CABLES2: variants seen among roughly 807,000 people sequenced by gnomAD.
CABLES2 encodes CDK5 and ABL1 enzyme substrate 2.
In CABLES2, 35 loss-of-function variants were observed where a neutral mutation model predicts 44.8. The ratio of observed to expected loss-of-function variants is 0.78; its 90% CI spans 0.60 to 1.04. CABLES2 has a LOEUF of 1.04. Ranked by LOEUF, CABLES2 falls within the 50% of genes least tolerant of loss-of-function variation. CABLES2 has a pLI of 0.00. For missense variants in CABLES2, 566 were observed against 615.7 expected, an observed-to-expected ratio of 0.92 and a Z score of 0.85; for synonymous variants, 282 against 281.1, an observed-to-expected ratio of 1.00 and a Z score of -0.03.
rs1262191709 is a variant in CABLES2, at chr20:62,396,394, A to G, written c.448T>C (p.Ser150Pro). The change falls in exon 3 of 10, where the codon TCT becomes CCT. Residue 150 changes from serine (S) to proline (P), a missense_variant. Ser to Pro is a moderately conservative substitution (Grantham distance 74). This residue lies in a region of CABLES2 where 436 missense variants were observed against 536.3 expected (regional missense o/e 0.81). Transcript: ENST00000279101. The surrounding 1 kb of genome is among the most constrained non-coding windows in gnomAD (Gnocchi z 5.7). ...CAPAQRTKHT[S>P]GSPRHKGLKK... The stretch of plus-strand genomic sequence containing the variant: ...AGGCCTTTATGTCTCGGTGATCCAG[A>G]TGTGTGTTTGGTTCTGCAAGGCAAA... The G allele has an allele frequency of 1.2e-6, 2 of 1,612,568 alleles. No homozygotes were observed. The highest frequency in any genetic ancestry group is 1.7e-6 in the Non-Finnish European group (2 of 1,179,584).
Position 62,391,233 on chromosome 20 carries a change from C to A in CABLES2, c.1296+16G>T. On this transcript the variant is annotated intron_variant, in intron 9 of 9. Transcript: ENST00000279101. The surrounding 1 kb of genome is among the most constrained non-coding windows in gnomAD (Gnocchi z 5.7). ...TCATGACCCTGCCTGCAGTGCCTGC[C>A]GAGCCGGGCACTCACATCGATGAGC... is the stretch of plus-strand genomic sequence containing the variant. The A allele has an allele frequency of 6.2e-7, 1 of 1,603,828 alleles. No individual in the cohort carries two copies. Among genetic ancestry groups the A allele is most frequent in the Non-Finnish European group, 8.5e-7 (1 of 1,173,344 alleles).
At chr20:62,394,860 T>C (rs1987987520) in intron 4 of CABLES2, 77 bp downstream of exon 4, 1 of 1,396,192 alleles carries the variant, frequency 7.2e-7, no homozygotes, top group Non-Finnish European at 9.9e-7. Flanking sequence ...CGCTGATGCC[T>C]CCTGGGCCTG....
intron 1 of CABLES2, among the ~76,000 whole-genome samples, chr20:62,398,784 G>GA (rs930056926): frequency 7.2e-5 from 11 of 152,184 alleles, no homozygotes. Flanking sequence ...CTGTGCCAGC[G>GA]AGAGTGCCAC....
chr20:62,391,481 C>CT lies in CABLES2; in HGVS notation c.1092-29dup. 1 of 1,607,090 alleles carries CT rather than the reference C, an allele frequency of 6.2e-7. No homozygotes were observed. Among genetic ancestry groups the CT allele is most frequent in the Non-Finnish European group, 8.5e-7 (1 of 1,175,048 alleles). On this transcript the variant is annotated intron_variant, in intron 8 of 9. Coordinates refer to ENST00000279101, the MANE Select transcript of CABLES2 (RefSeq NM_031215.3). The surrounding 1 kb of genome is among the most constrained non-coding windows in gnomAD (Gnocchi z 5.7). The stretch of plus-strand genomic sequence containing the variant: ...GTGGGTTAAGACAGAAGCCATGTCC[C>CT]TGGGGGCTCTGGCTGGGGCTGAGGA...
chr20:62,394,998 C>T lies in CABLES2; in HGVS notation c.544G>A (p.Ala182Thr), dbSNP rs1445209474. ...TRNSRIVLICAKRSLCAAFSV... is the reference protein window; with the variant it reads ...TRNSRIVLICTKRSLCAAFSV... ...AAGGCCGCGCACAGGGACCGCTTGGCACAGATGAGCACGATCCTGCAGGGG... is the reference window on the plus strand; with the variant it reads ...AAGGCCGCGCACAGGGACCGCTTGGTACAGATGAGCACGATCCTGCAGGGG... The change falls in exon 4 of 10, where the codon GCC (alanine) becomes ACC (threonine). Residue 182 changes from alanine to threonine, a missense_variant. By Grantham distance (58) the Ala-to-Thr change is moderately conservative. Around this residue, in one of 2 missense-constraint regions of CABLES2, gnomAD observed 436 missense variants for 536.3 expected, o/e 0.81. Transcript: ENST00000279101. 1 of 1,612,786 alleles carries T rather than the reference C, an allele frequency of 6.2e-7. No homozygotes were observed. The highest frequency in any genetic ancestry group is 8.5e-7 in the Non-Finnish European group (1 of 1,179,912).
Position 62,388,720 on chromosome 20 carries a change from G to T in CABLES2, c.*2251C>A. The T allele has an allele frequency of 1.8e-6, 1 of 557,654 alleles. No homozygotes were observed. Among genetic ancestry groups the T allele is most frequent in the Non-Finnish European group, 3.2e-6 (1 of 314,186 alleles). The allele number at this position is 557,654 out of a possible 1,614,324, so 34.5% of individuals were successfully genotyped here. A position where few individuals can be genotyped will look rare whatever the true frequency, so the allele number is the denominator to read the frequency against. ...AAATAACTCAAACATTCTGAGGTCT[G>T]ATACTTGCTTATGCACACTGACATC... On this transcript the variant is annotated 3_prime_UTR_variant, in exon 10 of 10. Transcript: ENST00000279101.
rs1988031227 is a variant in CABLES2, at chr20:62,396,876, C to G, written c.363-284G>C. Reference sequence around the variant, plus strand: ...TAGGATAGCACAGCACAGCACAGCACGCCAACCTGCCCTGCCCACCGAGGG... The same window carrying G: ...TAGGATAGCACAGCACAGCACAGCAGGCCAACCTGCCCTGCCCACCGAGGG... On this transcript the variant is annotated intron_variant, in intron 1 of 9. Coordinates refer to ENST00000279101, the MANE Select transcript of CABLES2 (RefSeq NM_031215.3). This position sits in a 1 kb window ranked among gnomAD's most constrained non-coding sequence, Gnocchi z 5.7. Among the ~76,000 whole-genome samples the G allele has an allele frequency of 6.6e-6, 1 of 152,108 alleles. No individual in the cohort carries two copies. The highest frequency in any genetic ancestry group is 1.5e-5 in the Non-Finnish European group (1 of 68,008).
At position 62,396,384 on chromosome 20, in the gene CABLES2, G is replaced by A. The variant is rs371230015; in HGVS notation, c.458C>T (p.Pro153Leu). The A allele has an allele frequency of 7.4e-6, 12 of 1,613,864 alleles. No individual in the cohort carries two copies. The highest frequency in any genetic ancestry group is 1.3e-5 in the African/African-American group (1 of 74,880). ...AQRTKHTSGS[P>L]RHKGLKKTHF... ...GGTCTTCTTCAGGCCTTTATGTCTCGGTGATCCAGATGTGTGTTTGGTTCT... is the reference window on the plus strand; with the variant it reads ...GGTCTTCTTCAGGCCTTTATGTCTCAGTGATCCAGATGTGTGTTTGGTTCT... The change falls in exon 3 of 10, where the codon CCG (proline) becomes CTG (leucine). Residue 153 changes from proline to leucine, a missense_variant. Pro to Leu is a moderately conservative substitution (Grantham distance 98). This residue lies in a region of CABLES2 where 436 missense variants were observed against 536.3 expected (regional missense o/e 0.81). Transcript: ENST00000279101. This position sits in a 1 kb window ranked among gnomAD's most constrained non-coding sequence, Gnocchi z 5.7.
At chr20:62,398,542 T>C (rs1435696751) in intron 1 of CABLES2, among the ~76,000 whole-genome samples, 1 of 152,224 alleles carries the variant, frequency 6.6e-6, no homozygotes, top group East Asian at 1.9e-4. Context: ...GGGTCACTTC[T>C]GGGAACTCTC....
At position 62,391,420 on chromosome 20, in the gene CABLES2, C is replaced by T; in HGVS notation, c.1125G>A (p.Glu375=). Residue 375 remains glutamate, a synonymous_variant, in exon 9 of 10, where the codon GAG becomes GAA. Coordinates refer to ENST00000279101, the MANE Select transcript of CABLES2 (RefSeq NM_031215.3). This position sits in a 1 kb window ranked among gnomAD's most constrained non-coding sequence, Gnocchi z 5.7. ...LKREMRSLSE[E]CSLEPVTVAM... is the part of the protein sequence containing the mutation. ...CCACCGTCACGGGCTCCAGGCTGCA[C>T]TCCTCCGACAGGCTCCGCATCTCCC... 3 of 1,613,300 alleles carry T rather than the reference C, an allele frequency of 1.9e-6. No individual in the cohort carries two copies. The highest frequency in any genetic ancestry group is 2.5e-6 in the Non-Finnish European group (3 of 1,180,018).
intron 1 of CABLES2, among the ~76,000 whole-genome samples, chr20:62,399,233 A>G (rs1226738354): frequency 1.0e-5 from 1 of 97,190 alleles, no homozygotes; most frequent in East Asian, 2.3e-4. Context: ...TACAGGCGTG[A>G]GCCACCATAT....
chr20:62,401,788 T>C (rs1988193250), intron 1 of CABLES2, among the ~76,000 whole-genome samples: 1 of 152,124 alleles, frequency 6.6e-6, no homozygotes, highest in African/African-American at 2.4e-5. Context: ...TTGGCCTGTG[T>C]CTCCGCAGGG....
intron 1 of CABLES2, among the ~76,000 whole-genome samples, chr20:62,400,792 G>A (rs1988174712): frequency 6.6e-6 from 1 of 152,222 alleles, no homozygotes; most frequent in Admixed American, 6.5e-5. Context: ...CGGCTGGCCT[G>A]GCTCCTCCGT....
chr20:62,391,119 GGA>G lies in CABLES2; in HGVS notation c.1297-10_1297-9del, dbSNP rs755890599. ...AAACCTTTCTTCTAACTTCTGCAGG[GGA>G]GAAGAGAGAAGGGTTACACGGGAGC... is the stretch of plus-strand genomic sequence containing the variant. On this transcript the variant is annotated splice_polypyrimidine_tract_variant and intron_variant, in intron 9 of 9. Transcript: ENST00000279101. The surrounding 1 kb of genome is among the most constrained non-coding windows in gnomAD (Gnocchi z 5.7). 7 of 1,613,870 alleles carry G rather than the reference GGA, an allele frequency of 4.3e-6. No homozygotes were observed. The South Asian group carries it at 6.6e-5, about 15-fold the overall frequency.
In CABLES2 at chr20:62,391,960, A is replaced by G. The variant is rs529944620; in HGVS notation, c.1091+429T>C. Among the ~76,000 whole-genome samples the G allele has an allele frequency of 2.0e-4, 31 of 151,854 alleles. No individual in the cohort carries two copies. The highest frequency in any genetic ancestry group is 7.5e-4 in the African/African-American group (31 of 41,394). ...CGGTCATGGGTCATCAGCGTGGCAC[A>G]ATGTGAGAGCAGAGGCACACCTGGA... On this transcript the variant is annotated intron_variant, in intron 8 of 9. Coordinates refer to ENST00000279101, the MANE Select transcript of CABLES2 (RefSeq NM_031215.3). This position sits in a 1 kb window ranked among gnomAD's most constrained non-coding sequence, Gnocchi z 5.7.
At chr20:62,398,088 AC>A (rs1403646127) in intron 1 of CABLES2, among the ~76,000 whole-genome samples, 4 of 52,162 alleles carry the variant, frequency 7.7e-5, no homozygotes, top group Non-Finnish European at 1.6e-4. Flanking sequence ...GGTGGTGGTG[AC>A]GGTGGTGGTG....
intron 1 of CABLES2, among the ~76,000 whole-genome samples, chr20:62,406,231 A>C (rs1601480834): frequency 1.3e-5 from 2 of 152,092 alleles, no homozygotes; most frequent in East Asian, 3.9e-4. Context: ...CTCTGGGAAC[A>C]GGTGTCAGTG....
chr20:62,398,116 T>TGGTGGTGATGGC (rs1988092854), intron 1 of CABLES2, among the ~76,000 whole-genome samples: 1 of 137,758 alleles, frequency 7.3e-6, no homozygotes, highest in South Asian at 2.4e-4. Flanking sequence ...ATGGTGGTGG[T>TGGTGGTGATGGC]GGTGGTGGTT....
rs201404033 is a variant in CABLES2, at chr20:62,396,292, C to T, written c.527+23G>A. On this transcript the variant is annotated intron_variant, in intron 3 of 9. Coordinates refer to ENST00000279101, the MANE Select transcript of CABLES2 (RefSeq NM_031215.3). The surrounding 1 kb of genome is among the most constrained non-coding windows in gnomAD (Gnocchi z 5.7). The stretch of plus-strand genomic sequence containing the variant: ...GCTTATGGAGACCACAGCCCTGGCC[C>T]GGTTCCCGGCTCCGCTTCATACCTG... 46 of 1,605,702 alleles carry T rather than the reference C, an allele frequency of 2.9e-5. 1 individual carries two copies. Among genetic ancestry groups the T allele is most frequent in the African/African-American group, 2.7e-4 (20 of 74,814 alleles).
Sources: allele counts gnomAD v4.1 joint callset (sites outside exome capture counted in the v4.1 genomes callset), GRCh38; gene constraint gnomAD v4.1.1; regional missense constraint gnomAD v4.1.1; non-coding constraint Gnocchi (gnomAD v3.1); transcripts MANE v1.5; gene names NCBI Gene and HGNC (gene_info 2026-07-23, HGNC 2026-07-21).